Variants in ALKBH3 observed in about 807,000 individuals in gnomAD.
ALKBH3 encodes alkB homolog 3, alpha-ketoglutarate dependent dioxygenase, also known as alpha-ketoglutarate-dependent dioxygenase alkB homolog 3.
In ALKBH3, 51 loss-of-function variants were observed where a neutral mutation model predicts 43.9. The ratio of observed to expected loss-of-function variants is 1.16; its 90% CI spans 0.93 to 1.47. The LOEUF (loss-of-function observed/expected upper bound fraction) is 1.47, where lower values mean the gene tolerates loss of function less well. ALKBH3 is among the 40% of genes most tolerant of loss of function. The probability of loss-of-function intolerance (pLI) is 0.00; values close to 1 mark genes in which losing one functional copy is unlikely to be tolerated. For missense variants in ALKBH3, 361 were observed against 351.9 expected (o/e 1.03, Z -0.21); for synonymous variants, 102 against 115.2 (o/e 0.89, Z 0.73).
intron 7 of ALKBH3, chr11:43,897,594 A>G (rs62621395): frequency 0.014 from 11,609 of 825,432 alleles, 211 homozygotes; most frequent in African/African-American, 0.063. Context: ...TGAATTCAAG[A>G]GTGAAGATGG....
chr11:43,900,485 G>A (rs1477699874), intron 7 of ALKBH3, among the ~76,000 whole-genome samples: 1 of 152,082 alleles, frequency 6.6e-6, no homozygotes, highest in Admixed American at 6.5e-5. Context: ...GCCTCCCAAA[G>A]TACTGGGATT....
At chr11:43,912,914 A>G (rs893909050) in intron 8 of ALKBH3, among the ~76,000 whole-genome samples, 2 of 152,146 alleles carry the variant, frequency 1.3e-5, no homozygotes, top group African/African-American at 4.8e-5. Context: ...TACACAAAGC[A>G]CAAGCCTACT....
intron 8 of ALKBH3, among the ~76,000 whole-genome samples, chr11:43,913,877 C>T (rs1049309032): frequency 2.0e-5 from 3 of 152,166 alleles, no homozygotes; most frequent in South Asian, 2.1e-4. Flanking sequence ...GAATTAATTG[C>T]GAAAATTTAT....
chr11:43,909,633 G>GTCTT (rs1451022381), intron 8 of ALKBH3: 1 of 152,232 alleles, frequency 6.6e-6, no homozygotes, highest in African/African-American at 2.4e-5. Flanking sequence ...GTAAGTAGCT[G>GTCTT]TAACACAGGC....
At position 43,909,116 on chromosome 11, in the gene ALKBH3, G is replaced by A. The variant is rs958186029; in HGVS notation, c.669+7391G>A. Among the ~76,000 whole-genome samples the A allele has an allele frequency of 6.6e-5, 10 of 152,262 alleles. 1 individual carries two copies. The highest frequency in any genetic ancestry group is 6.8e-3 in the Middle Eastern group (2 of 294). On this transcript the variant is annotated intron_variant, in intron 8 of 9. Coordinates refer to ENST00000302708, the MANE Select transcript of ALKBH3 (RefSeq NM_139178.4). Reference sequence around the variant, plus strand: ...CTGTATGTGCCAAGTAAACTGTTTCGAACCAATAACCTCAGTGACTTAAAA... The same window carrying A: ...CTGTATGTGCCAAGTAAACTGTTTCAAACCAATAACCTCAGTGACTTAAAA...
Position 43,898,111 on chromosome 11 carries a change from C to G in ALKBH3, c.460-3405C>G. 2 of 1,107,596 alleles carry G rather than the reference C, an allele frequency of 1.8e-6. 1 individual carries two copies. The highest frequency in any genetic ancestry group is 4.7e-5 in the East Asian group (2 of 42,542). 68.6% of individuals were successfully genotyped at this position (1,107,596 alleles called of 1,614,324 possible). On this transcript the variant is annotated intron_variant, in intron 7 of 9. Coordinates refer to ENST00000302708, the MANE Select transcript of ALKBH3 (RefSeq NM_139178.4). ...CGATGCCCTCAGCAGCCCCAGTGCA[C>G]CTGAGCCCGTGGTGGGCATCCCTGA...
At chr11:43,918,983 G>C in intron 8 of ALKBH3, 55 bp from the exon 9 acceptor site, 1 of 1,404,720 alleles carries the variant, frequency 7.1e-7, no homozygotes, top group South Asian at 1.2e-5. Context: ...GTCAGGTTCT[G>C]TTGCATCTTG....
chr11:43,882,488 C>A (rs1050406064), intron 1 of ALKBH3, 95 bp from the exon 2 acceptor site: 2 of 540,060 alleles, frequency 3.7e-6, no homozygotes, highest in East Asian at 6.5e-5. Context: ...GCTCTATTGC[C>A]ATTGAGAGTC....
intron 5 of ALKBH3, among the ~76,000 whole-genome samples, chr11:43,888,503 C>T (rs1211267323): frequency 6.6e-6 from 1 of 152,212 alleles, no homozygotes; most frequent in African/African-American, 2.4e-5. Flanking sequence ...TTAACATCGC[C>T]TTAATGCATG....
intron 5 of ALKBH3, among the ~76,000 whole-genome samples, chr11:43,887,661 C>T (rs1418543866): frequency 6.6e-6 from 1 of 152,042 alleles, no homozygotes; most frequent in Admixed American, 6.6e-5. Flanking sequence ...ATTAGAATTG[C>T]GCCTAGCCTG....
chr11:43,897,862 T>C, intron 7 of ALKBH3: 2 of 788,912 alleles, frequency 2.5e-6, no homozygotes, highest in Non-Finnish European at 4.7e-6. Flanking sequence ...GAAAGTACCA[T>C]GGAAAAAATT....
chr11:43,898,597 A>G, intron 7 of ALKBH3: 1 of 750,878 alleles, frequency 1.3e-6, no homozygotes, highest in South Asian at 1.4e-5. Context: ...TTGGCCTATC[A>G]GCTCATGGAC....
At chr11:43,901,232 G>C (rs1951861703) in intron 7 of ALKBH3, among the ~76,000 whole-genome samples, 1 of 152,206 alleles carries the variant, frequency 6.6e-6, no homozygotes, top group Non-Finnish European at 1.5e-5. Context: ...ATTTGACATG[G>C]AAAGGATGAG....
At chr11:43,882,831 G>A in intron 2 of ALKBH3, 100 bp downstream of exon 2, 1 of 1,267,668 alleles carries the variant, frequency 7.9e-7, no homozygotes, top group East Asian at 2.5e-5. Flanking sequence ...CATTTCAATT[G>A]ACGTCAAGGA....
At chr11:43,893,366 A>G (rs953380450) in intron 7 of ALKBH3, among the ~76,000 whole-genome samples, 1 of 152,198 alleles carries the variant, frequency 6.6e-6, no homozygotes, top group African/African-American at 2.4e-5. Context: ...TGGGGGGGCA[A>G]AATTGCCCCT....
At chr11:43,898,126 G>A in intron 7 of ALKBH3, 2 of 1,145,598 alleles carry the variant, frequency 1.7e-6, no homozygotes, top group Non-Finnish European at 1.3e-6. Context: ...GCCCGTGGTG[G>A]GCATCCCTGA....
intron 7 of ALKBH3, among the ~76,000 whole-genome samples, chr11:43,893,838 C>T (rs978647131): frequency 6.6e-6 from 1 of 152,138 alleles, no homozygotes; most frequent in Non-Finnish European, 1.5e-5. Context: ...CATTTATATA[C>T]TGTCTTGAAC....
At chr11:43,917,564 C>T (rs556441586) in intron 8 of ALKBH3, among the ~76,000 whole-genome samples, 2 of 152,280 alleles carry the variant, frequency 1.3e-5, no homozygotes, top group East Asian at 3.9e-4. Context: ...ATTAAGGAGC[C>T]TTGGACTGTC....
At chr11:43,890,821 G>A (rs1230574214) in intron 6 of ALKBH3, among the ~76,000 whole-genome samples, 5 of 151,964 alleles carry the variant, frequency 3.3e-5, no homozygotes, top group Non-Finnish European at 5.9e-5. Context: ...CCGAGATCGC[G>A]CCACTGCACT....
Sources: allele counts gnomAD v4.1 joint callset (sites outside exome capture counted in the v4.1 genomes callset), GRCh38; gene constraint gnomAD v4.1.1; transcripts MANE v1.5; gene names NCBI Gene and HGNC (gene_info 2026-07-23, HGNC 2026-07-21).